The following CEP164 variants were observed in gnomAD, a reference collection of about 807,000 sequenced individuals.
The protein encoded by CEP164 is centrosomal protein 164, also known as centrosomal protein of 164 kDa.
A neutral mutation model predicts 182.7 loss-of-function variants in CEP164; 162 were observed. The ratio of observed to expected loss-of-function variants is 0.89; its 90% CI spans 0.78 to 1.01. The LOEUF (loss-of-function observed/expected upper bound fraction) is 1.01. CEP164 is among the 50% of genes least tolerant of loss of function. CEP164 has a pLI of 0.00. For missense variants in CEP164, 1,735 were observed against 1,790.4 expected, an observed-to-expected ratio of 0.97 and a Z score of 0.56; for synonymous variants, 661 against 690.0, an observed-to-expected ratio of 0.96 and a Z score of 0.66.
rs2136499348 is a variant in CEP164, at chr11:117,397,115, C to T, written c.3303C>T (p.His1101=). 3.7e-6 allele frequency: 6 copies of T among 1,614,156 alleles called. No homozygotes were observed. The part of the protein sequence containing the change: ...LDSLSSHNVW[H]LLSAEGVALR... ...GCCTGTCCTCCCACAATGTCTGGCA[C>T]CTCCTCTCTGCTGAGGGGGTAGCCC... Residue 1101 remains histidine, a synonymous_variant, in exon 27 of 33, where the codon CAC becomes CAT. Coordinates refer to ENST00000278935, the MANE Select transcript of CEP164 (RefSeq NM_014956.5).
At chr11:117,359,224 G>A (rs900581304) in intron 5 of CEP164, among the ~76,000 whole-genome samples, 1 of 152,078 alleles carries the variant, frequency 6.6e-6, no homozygotes, top group Non-Finnish European at 1.5e-5. Context: ...GATTACAGGC[G>A]TGAGCCACCA....
chr11:117,335,869 A>G (rs1372372474), intron 2 of CEP164, among the ~76,000 whole-genome samples, 189 bp downstream of exon 2: 2 of 152,154 alleles, frequency 1.3e-5, no homozygotes, highest in East Asian at 1.9e-4. Flanking sequence ...AACCTCCCCA[A>G]TCACAAGTAT....
rs478693 is a variant in CEP164 at position 117,392,387 on chromosome 11, T to C, written c.2361+84T>C. On this transcript the variant is annotated intron_variant, in intron 18 of 32. Coordinates refer to ENST00000278935, the MANE Select transcript of CEP164 (RefSeq NM_014956.5). Reference sequence around the variant, plus strand: ...CTGGCTACTAGGCAGCGAGCCTCTCTCTCCAGCCCTGGGGGATGGATGCCA... The same window carrying C: ...CTGGCTACTAGGCAGCGAGCCTCTCCCTCCAGCCCTGGGGGATGGATGCCA... 0.11 allele frequency: 175,729 copies of C among 1,562,778 alleles called. 12,817 individuals carry two copies. The highest frequency in any genetic ancestry group is 0.33 in the African/African-American group (24,232 of 74,208).
intron 27 of CEP164, among the ~76,000 whole-genome samples, chr11:117,403,262 A>C (rs959318127): frequency 6.6e-6 from 1 of 152,196 alleles, no homozygotes; most frequent in African/African-American, 2.4e-5. Flanking sequence ...TCTTCATAGC[A>C]TCGATGGTCT....
chr11:117,362,049 C>T, intron 6 of CEP164, 56 bp downstream of exon 6: 1 of 1,465,860 alleles, frequency 6.8e-7, no homozygotes, highest in Non-Finnish European at 9.2e-7. Context: ...CTCCCGTGTG[C>T]CATACCAGGA....
chr11:117,410,148 G>C (rs1275406079), intron 30 of CEP164, 183 bp downstream of exon 30: 2 of 724,276 alleles, frequency 2.8e-6, no homozygotes, highest in Non-Finnish European at 4.9e-6. Flanking sequence ...GTGGGTCCCT[G>C]GGGAAGGAGA....
chr11:117,395,928 G>C, intron 24 of CEP164, 126 bp from the exon 25 acceptor site: 7 of 1,373,714 alleles, frequency 5.1e-6, no homozygotes, highest in Non-Finnish European at 6.0e-6. Context: ...TATTGTTCGT[G>C]CCTGAGCCCT....
chr11:117,387,751 A>G (rs1263028221), intron 15 of CEP164, among the ~76,000 whole-genome samples: 2 of 152,182 alleles, frequency 1.3e-5, no homozygotes, highest in Non-Finnish European at 2.9e-5. Flanking sequence ...GTGTTAACAT[A>G]TTTCATTTAC....
chr11:117,364,104 G>A (rs1348346284), intron 8 of CEP164: 6 of 152,042 alleles, frequency 3.9e-5, no homozygotes, highest in Non-Finnish European at 8.8e-5. Flanking sequence ...TCCCTACCAT[G>A]TATCCTTTGT....
At chr11:117,354,534 A>G (rs2135506345) in intron 5 of CEP164, among the ~76,000 whole-genome samples, 1 of 152,188 alleles carries the variant, frequency 6.6e-6, no homozygotes, top group East Asian at 1.9e-4. Flanking sequence ...CTTCTCTGTC[A>G]CATGCACAAT....
chr11:117,360,216 G>C (rs1477709451), intron 5 of CEP164, among the ~76,000 whole-genome samples: 1 of 152,086 alleles, frequency 6.6e-6, no homozygotes. Flanking sequence ...GAGTGCAGTG[G>C]TTATATCTCA....
At chr11:117,387,068 G>A (rs2044046023) in intron 14 of CEP164, 135 bp from the exon 15 acceptor site, 1 of 772,856 alleles carries the variant, frequency 1.3e-6, no homozygotes, top group South Asian at 1.6e-5. Flanking sequence ...CCTGCCCTTG[G>A]GTGACCTCTT....
At chr11:117,373,653 C>G (rs1014204262) in intron 9 of CEP164, 98 bp from the exon 10 acceptor site, 6 of 996,974 alleles carry the variant, frequency 6.0e-6, no homozygotes, top group African/African-American at 4.8e-5. Context: ...GACCTGAGCC[C>G]TATATTGGCC....
Position 117,395,581 on chromosome 11 carries a change from C to G in CEP164, c.2948C>G (p.Ala983Gly). 6.2e-7 allele frequency: 1 copy of G among 1,613,438 alleles called. No homozygotes were observed. The highest frequency in any genetic ancestry group is 8.5e-7 in the Non-Finnish European group (1 of 1,179,682). ...ATATHQQLEE[A>G]QKEHTHLLQS... ...GCCACCCATCAGCAGCTGGAGGAGG[C>G]ACAGAAGGAGCACACCCACCTGTTG... The change falls in exon 24 of 33, where the codon GCA (alanine) becomes GGA (glycine). Residue 983 changes from alanine to glycine, a missense_variant. By Grantham distance (60) the Ala-to-Gly change is moderately conservative. Transcript: ENST00000278935.
intron 5 of CEP164, chr11:117,356,674 TG>T: frequency 8.2e-7 from 1 of 1,215,738 alleles, no homozygotes; most frequent in Non-Finnish European, 1.1e-6. Flanking sequence ...AGGGAGCAGG[TG>T]GAGTTGATGT....
At chr11:117,370,941 G>C in intron 8 of CEP164, 139 bp from the exon 9 acceptor site, 1 of 834,764 alleles carries the variant, frequency 1.2e-6, no homozygotes, top group East Asian at 2.6e-5. Flanking sequence ...TAACAACTGG[G>C]TGATTGATAA....
At chr11:117,384,919 A>G (rs1397022490) in intron 14 of CEP164, 2 of 152,304 alleles carry the variant, frequency 1.3e-5, no homozygotes, top group African/African-American at 4.8e-5. Context: ...TGTGCCACTC[A>G]CCGAATGCTT....
At chr11:117,376,296 T>C (rs2042735848) in intron 11 of CEP164, among the ~76,000 whole-genome samples, 1 of 152,228 alleles carries the variant, frequency 6.6e-6, no homozygotes, top group African/African-American at 2.4e-5. Context: ...GGATGAATTG[T>C]TCCCTTTCTT....
At chr11:117,325,447 G>A (rs553064209), upstream of CEP164, among the ~76,000 whole-genome samples, 2 of 151,658 alleles carry the variant, frequency 1.3e-5, no homozygotes, top group South Asian at 4.2e-4. Context: ...GTGCAATGGC[G>A]AGATCTCGGC....
Sources: allele counts gnomAD v4.1 joint callset (sites outside exome capture counted in the v4.1 genomes callset), GRCh38; gene constraint gnomAD v4.1.1; transcripts MANE v1.5; gene names NCBI Gene and HGNC (gene_info 2026-07-23, HGNC 2026-07-21).